Variants in SYNCRIP observed in about 807,000 individuals in gnomAD.
The protein encoded by SYNCRIP is synaptotagmin binding cytoplasmic RNA interacting protein, also known as heterogeneous nuclear ribonucleoprotein Q.
Under a neutral mutation model 68.9 loss-of-function variants are expected in SYNCRIP, and 9 were observed. That is an observed-to-expected ratio of 0.13 (90% CI 0.08 to 0.23). The LOEUF is 0.23. Ranked by LOEUF, SYNCRIP falls within the 10% of genes least tolerant of loss-of-function variation. The probability of loss-of-function intolerance (pLI) is 1.00; values close to 1 mark genes in which losing one functional copy is unlikely to be tolerated. For missense variants in SYNCRIP, 414 were observed against 770.6 expected, an observed-to-expected ratio of 0.54 and a Z score of 5.48; for synonymous variants, 258 against 254.0, an observed-to-expected ratio of 1.02 and a Z score of -0.15.
upstream of SYNCRIP, chr6:85,643,269 T>C (rs932240681): frequency 1.3e-5 from 2 of 151,666 alleles, no homozygotes; most frequent in African/African-American, 4.9e-5. Flanking sequence ...GCTCGCACTC[T>C]CGGCCCGGTC....
rs1264821965 is a variant in SYNCRIP at position 85,614,187 on chromosome 6, G to A, written c.*569C>T. On this transcript the variant is annotated 3_prime_UTR_variant, in exon 11 of 11. Coordinates refer to ENST00000369622, the MANE Select transcript of SYNCRIP (RefSeq NM_006372.5). ...ATTTGCAGGAAATTTTGTGAAAAAC[G>A]AATTGTAAACACAATTTTAGTAAGT... The A allele has an allele frequency of 3.0e-6, 3 of 985,530 alleles. No individual in the cohort carries two copies. Among genetic ancestry groups the A allele is most frequent in the South Asian group, 4.7e-5 (1 of 21,286 alleles). 61.0% of individuals were successfully genotyped at this position (985,530 alleles called of 1,614,324 possible). A position where few individuals can be genotyped will look rare whatever the true frequency, so the allele number is the denominator to read the frequency against.
chr6:85,629,852 C>A (rs891672909), intron 6 of SYNCRIP, among the ~76,000 whole-genome samples: 1 of 150,798 alleles, frequency 6.6e-6, no homozygotes, highest in African/African-American at 2.4e-5. Flanking sequence ...GGCATGGTGG[C>A]GGGCTCCTGT....
At chr6:85,641,168 TCAC>T in intron 2 of SYNCRIP, 121 bp downstream of exon 2, 1 of 720,402 alleles carries the variant, frequency 1.4e-6, no homozygotes, top group African/African-American at 1.8e-5. Flanking sequence ...TAACCAACTA[TCAC>T]AACAAGCAAA....
chr6:85,619,685 G>A (rs577777599), intron 8 of SYNCRIP, among the ~76,000 whole-genome samples: 1 of 152,066 alleles, frequency 6.6e-6, no homozygotes, highest in Non-Finnish European at 1.5e-5. Context: ...TCTGTCATTC[G>A]GAAACCGCAA....
In SYNCRIP at chr6:85,614,896, G is replaced by A. The variant is rs775682411; in HGVS notation, c.1732C>T (p.Arg578Cys). The A allele has an allele frequency of 1.9e-6, 3 of 1,614,038 alleles. No homozygotes were observed. Among genetic ancestry groups the A allele is most frequent in the African/African-American group, 1.3e-5 (1 of 74,908 alleles). The change falls in exon 11 of 11, where the codon CGC becomes TGC. Residue 578 changes from arginine to cysteine, a missense_variant. This residue lies in a region of SYNCRIP where 130 missense variants were observed against 149.0 expected (regional missense o/e 0.87). Transcript: ENST00000369622. ...DGYNQPDSKR[R>C]QTNNQNWGSQ... ...CCCCAGTTCTGATTATTGGTCTGGC[G>A]CCGCTTGGAATCTGGCTGGTTGTAC... is the stretch of plus-strand genomic sequence containing the variant.
chr6:85,641,447 G>A lies in SYNCRIP; in HGVS notation c.-8C>T. 3 of 1,611,148 alleles carry A rather than the reference G, an allele frequency of 1.9e-6. No individual in the cohort carries two copies. Among genetic ancestry groups the A allele is most frequent in the Non-Finnish European group, 1.7e-6 (2 of 1,179,048 alleles). On this transcript the variant is annotated 5_prime_UTR_variant, in exon 2 of 11. Coordinates refer to ENST00000369622, the MANE Select transcript of SYNCRIP (RefSeq NM_006372.5). ...AACATGTTCTGTAGCCATGTTTCCA[G>A]AGATCTGTTCAAACGCAATAAGCAA...
chr6:85,614,875 A>G lies in SYNCRIP; in HGVS notation c.1753T>C (p.Trp585Arg), dbSNP rs1805584462. ...SKRRQTNNQN[W>R]GSQPIAQQPL... ...TGCTGAGCAATGGGTTGGGAGCCCCAGTTCTGATTATTGGTCTGGCGCCGC... is the reference window on the plus strand; with the variant it reads ...TGCTGAGCAATGGGTTGGGAGCCCCGGTTCTGATTATTGGTCTGGCGCCGC... Residue 585 changes from tryptophan to arginine, a missense_variant, in exon 11 of 11, where the codon TGG (tryptophan) becomes CGG (arginine). Around this residue, in one of 6 missense-constraint regions of SYNCRIP, gnomAD observed 130 missense variants for 149.0 expected, o/e 0.87. Transcript: ENST00000369622. 6.2e-7 allele frequency: 1 copy of G among 1,614,006 alleles called. No individual in the cohort carries two copies. Among genetic ancestry groups the G allele is most frequent in the Admixed American group, 1.7e-5 (1 of 59,984 alleles).
chr6:85,614,815 CAT>C lies in SYNCRIP; in HGVS notation c.1811_1812del (p.Tyr604TrpfsTer5), dbSNP rs748476769. On this transcript the variant is annotated frameshift_variant, in exon 11 of 11. Coordinates refer to ENST00000369622, the MANE Select transcript of SYNCRIP (RefSeq NM_006372.5). LOFTEE classifies it high-confidence loss of function. ...AACTCCTGGTTTTCAGATTTGTAAC[CAT>C]AGTTACCAGAATGATCACCACCTTG... ...PLQGGDHSGN[Y>X]GYKSENQEFY... 4 of 1,612,892 alleles carry C rather than the reference CAT, an allele frequency of 2.5e-6. No individual in the cohort carries two copies. Among genetic ancestry groups the C allele is most frequent in the African/African-American group, 1.3e-5 (1 of 74,870 alleles).
At chr6:85,628,356 TAA>T (rs1214242132) in intron 6 of SYNCRIP, among the ~76,000 whole-genome samples, 1 of 152,138 alleles carries the variant, frequency 6.6e-6, no homozygotes. Flanking sequence ...GCACCTGGCC[TAA>T]AGATTTCTTA....
downstream of SYNCRIP, chr6:85,611,100 A>G (rs933527011): frequency 2.6e-5 from 4 of 152,074 alleles, no homozygotes; most frequent in Non-Finnish European, 5.9e-5. Flanking sequence ...ACAACATACT[A>G]AAATGATTTA....
At chr6:85,629,846 T>C (rs147395750) in intron 6 of SYNCRIP, among the ~76,000 whole-genome samples, 1,978 of 151,712 alleles carry the variant, frequency 0.013, 19 homozygotes, top group Non-Finnish European at 0.02. Context: ...TAGTCAGGCA[T>C]GGTGGCGGGC....
intron 6 of SYNCRIP, 52 bp downstream of exon 6, chr6:85,636,915 G>C (rs1808527422): frequency 6.6e-7 from 1 of 1,512,160 alleles, no homozygotes; most frequent in African/African-American, 1.4e-5. Context: ...AAAAAAACTT[G>C]ATATTAAAGA....
chr6:85,637,253 A>T lies in SYNCRIP; in HGVS notation c.479T>A (p.Val160Asp). The T allele has an allele frequency of 1.2e-6, 2 of 1,613,834 alleles. No homozygotes were observed. Among genetic ancestry groups the T allele is most frequent in the Non-Finnish European group, 1.7e-6 (2 of 1,179,908 alleles). ...TTTTAGTTGCTTTACCTCAGTGCCA[A>T]CAGAAGGCTGCTGACCTGAATAAAC... ...DSVYSGQQPS[V>D]GTEIFVGKIP... Residue 160 changes from valine (V) to aspartate (D), a missense_variant, in exon 5 of 11, where the codon GTT becomes GAT. Physicochemically the swap from Val to Asp is radical, Grantham distance 152. This residue lies in a region of SYNCRIP where 110 missense variants were observed against 269.3 expected (regional missense o/e 0.41). Transcript: ENST00000369622.
intron 7 of SYNCRIP, among the ~76,000 whole-genome samples, chr6:85,623,562 CAAAAAAAAAAA>C (rs67258131): frequency 1.6e-5 from 1 of 63,240 alleles, no homozygotes; most frequent in South Asian, 6.7e-4. Flanking sequence ...AGACTGTCTC[CAAAAAAAAAAA>C]AAAAAAAAAA....
intron 6 of SYNCRIP, among the ~76,000 whole-genome samples, chr6:85,626,475 T>C (rs559996027): frequency 8.2e-4 from 125 of 152,248 alleles, no homozygotes; most frequent in African/African-American, 2.9e-3. Flanking sequence ...GGGGGGGAAC[T>C]GGTATTTTCC....
At chr6:85,643,842 C>T (rs889190996), upstream of SYNCRIP, 1 of 152,278 alleles carries the variant, frequency 6.6e-6, no homozygotes, top group African/African-American at 2.4e-5. Flanking sequence ...CCGCGCTCTC[C>T]TCCTCGGGAA....
intron 4 of SYNCRIP, 124 bp from the exon 5 acceptor site, chr6:85,637,480 G>A: frequency 1.6e-6 from 1 of 606,464 alleles, no homozygotes; most frequent in African/African-American, 1.9e-5. Context: ...ATAAAAACAG[G>A]TTTGTGATGT....
At chr6:85,631,789 T>A (rs998826215) in intron 6 of SYNCRIP, among the ~76,000 whole-genome samples, 2 of 152,192 alleles carry the variant, frequency 1.3e-5, no homozygotes, top group African/African-American at 4.8e-5. Flanking sequence ...AAACCTGGCA[T>A]CAAACTAGGG....
In SYNCRIP at chr6:85,617,438, AAAG is replaced by A. The variant is rs143367559; in HGVS notation, c.1280+1377_1280+1379del. Reference sequence around the variant, plus strand: ...ATATATCGTCTTCTGAAAGAAATAAAAAGAAGTTATTTTACACTGTTTAGTATA... The same window carrying A: ...ATATATCGTCTTCTGAAAGAAATAAAAAGTTATTTTACACTGTTTAGTATA... On this transcript the variant is annotated intron_variant, in intron 10 of 10. Transcript: ENST00000369622. Among the ~76,000 whole-genome samples the A allele has an allele frequency of 4.9e-3, 744 of 152,318 alleles. 4 individuals are homozygous for A. Among genetic ancestry groups the A allele is most frequent in the African/African-American group, 5.5e-3 (227 of 41,552 alleles).
Sources: allele counts gnomAD v4.1 joint callset (sites outside exome capture counted in the v4.1 genomes callset), GRCh38; gene constraint gnomAD v4.1.1; regional missense constraint gnomAD v4.1.1; transcripts MANE v1.5; gene names NCBI Gene and HGNC (gene_info 2026-07-23, HGNC 2026-07-21).